Variants in ILRUN observed in about 807,000 individuals in gnomAD.
ILRUN encodes the protein inflammation and lipid regulator with UBA-like and NBR1-like domains.
Under a neutral mutation model 33.8 loss-of-function variants are expected in ILRUN, and 3 were observed. The ratio of observed to expected loss-of-function variants is 0.09; its 90% CI spans 0.04 to 0.23. The LOEUF is 0.23. ILRUN is among the 10% of genes least tolerant of loss of function. The pLI, the probability that ILRUN is intolerant of heterozygous loss-of-function variation, is 1.00. For synonymous variants in ILRUN, 124 were observed against 138.9 expected, an observed-to-expected ratio of 0.89 and a Z score of 0.75; for missense variants, 210 against 375.1, an observed-to-expected ratio of 0.56 and a Z score of 3.64.
chr6:34,640,439 G>C (rs192619787), intron 3 of ILRUN, among the ~76,000 whole-genome samples: 1 of 152,094 alleles, frequency 6.6e-6, no homozygotes, highest in African/African-American at 2.4e-5. Flanking sequence ...TGGGCCGGGC[G>C]CGGTGGCTCA....
intron 4 of ILRUN, among the ~76,000 whole-genome samples, chr6:34,597,185 G>A (rs764609040): frequency 3.9e-5 from 6 of 152,146 alleles, no homozygotes; most frequent in Non-Finnish European, 5.9e-5. Context: ...AAGTTTCTAC[G>A]TGGAGGTAGA....
At chr6:34,638,305 C>G (rs1003747112) in intron 3 of ILRUN, among the ~76,000 whole-genome samples, 4 of 152,130 alleles carry the variant, frequency 2.6e-5, no homozygotes, top group Admixed American at 2.6e-4. Flanking sequence ...GATGAAATAG[C>G]CTATCATCTC....
intron 4 of ILRUN, among the ~76,000 whole-genome samples, chr6:34,600,475 T>C (rs930258426): frequency 1.3e-5 from 2 of 152,236 alleles, no homozygotes; most frequent in Non-Finnish European, 2.9e-5. Flanking sequence ...ATACTCAGTA[T>C]ATTCAAAGGG....
chr6:34,609,792 G>A (rs558590792), intron 3 of ILRUN, among the ~76,000 whole-genome samples: 1 of 152,158 alleles, frequency 6.6e-6, no homozygotes, highest in South Asian at 2.1e-4. Flanking sequence ...CTAAGAAGAG[G>A]AAATTAAAGC....
At chr6:34,664,019 G>C (rs1253628875) in intron 1 of ILRUN, among the ~76,000 whole-genome samples, 1 of 152,144 alleles carries the variant, frequency 6.6e-6, no homozygotes, top group African/African-American at 2.4e-5. Flanking sequence ...GGAGAAACAG[G>C]GCCGTGAGCT....
Position 34,624,846 on chromosome 6 carries a change from C to T in ILRUN, c.512-17942G>A, listed in dbSNP as rs56654227. ...GAACAAAAAGTATAAAACATCATTACTGATGGTAACTAGTTACTCTTGGTG... is the reference window on the plus strand; with the variant it reads ...GAACAAAAAGTATAAAACATCATTATTGATGGTAACTAGTTACTCTTGGTG... On this transcript the variant is annotated intron_variant, in intron 3 of 4. Coordinates refer to ENST00000374023, the MANE Select transcript of ILRUN (RefSeq NM_024294.4). Among the ~76,000 whole-genome samples the T allele has an allele frequency of 5.4e-3, 830 of 152,322 alleles. 7 individuals are homozygous for T. The highest frequency in any genetic ancestry group is 0.019 in the African/African-American group (770 of 41,582).
At chr6:34,603,240 C>T (rs556107483) in intron 4 of ILRUN, among the ~76,000 whole-genome samples, 2 of 152,320 alleles carry the variant, frequency 1.3e-5, no homozygotes, top group South Asian at 2.1e-4. Context: ...GAGCCGGGCA[C>T]GGTGGCTCAC....
intron 3 of ILRUN, among the ~76,000 whole-genome samples, chr6:34,641,772 T>C (rs972456338): frequency 2.6e-5 from 4 of 151,970 alleles, no homozygotes; most frequent in Admixed American, 6.6e-5. Flanking sequence ...AAATTAGGGG[T>C]TTAAAGTTAA....
intron 3 of ILRUN, among the ~76,000 whole-genome samples, chr6:34,617,465 A>C (rs1761919506): frequency 6.6e-6 from 1 of 152,160 alleles, no homozygotes; most frequent in Admixed American, 6.6e-5. Context: ...CTCAACTTCT[A>C]GTCTGCACTG....
chr6:34,679,476 T>C (rs1763310509), intron 1 of ILRUN, among the ~76,000 whole-genome samples: 1 of 152,204 alleles, frequency 6.6e-6, no homozygotes, highest in South Asian at 2.1e-4. Context: ...ACTGAATTTA[T>C]ATTGAAAAAA....
chr6:34,683,479 TATATATACATATATATATAC>T (rs1763438898), intron 1 of ILRUN, among the ~76,000 whole-genome samples: 1 of 106,298 alleles, frequency 9.4e-6, no homozygotes, highest in African/African-American at 4.9e-5. Context: ...TATACACATA[TATATATACATATATATATAC>T]ATATATATAT....
chr6:34,621,460 T>C (rs1412009978), intron 3 of ILRUN, among the ~76,000 whole-genome samples: 2 of 152,232 alleles, frequency 1.3e-5, no homozygotes, highest in Non-Finnish European at 2.9e-5. Context: ...GGGATCAGGC[T>C]GTTACCACCT....
intron 1 of ILRUN, among the ~76,000 whole-genome samples, chr6:34,686,416 CG>C (rs71538255): frequency 0.18 from 26,578 of 150,918 alleles, 2,823 homozygotes; most frequent in African/African-American, 0.3. Flanking sequence ...AGGAGAATGG[CG>C]TGAACCCAGG....
At position 34,657,902 on chromosome 6, in the gene ILRUN, T is replaced by C. The variant is rs79344740; in HGVS notation, c.159-3123A>G. On this transcript the variant is annotated intron_variant, in intron 1 of 4. Transcript: ENST00000374023. ...CTAAGGTGATGGGAAAGGGAAAACA[T>C]TGACCCAGCATTCAGTGCAGTCTGA... 6.3e-3 allele frequency among the ~76,000 whole-genome samples: 953 copies of C among 152,330 alleles called. 9 individuals carry two copies. Among genetic ancestry groups the C allele is most frequent in the Middle Eastern group, 0.01 (3 of 294 alleles).
chr6:34,696,643 C>G lies in ILRUN; in HGVS notation c.-40G>C, dbSNP rs1581568446. On this transcript the variant is annotated 5_prime_UTR_variant, in exon 1 of 5. Coordinates refer to ENST00000374023, the MANE Select transcript of ILRUN (RefSeq NM_024294.4). The stretch of plus-strand genomic sequence containing the variant: ...ACCCGCTTCCCCGCCTCTTCACAAC[C>G]AAGCCGCCGCCGCGCCGCCGGGCCC... 1 of 1,575,554 alleles carries G rather than the reference C, an allele frequency of 6.3e-7. No homozygotes were observed. Among genetic ancestry groups the G allele is most frequent in the East Asian group, 2.3e-5 (1 of 44,230 alleles).
intron 1 of ILRUN, among the ~76,000 whole-genome samples, chr6:34,689,289 T>A (rs974622162): frequency 2.0e-5 from 3 of 147,046 alleles, no homozygotes; most frequent in African/African-American, 7.5e-5. Flanking sequence ...TGCTACATGA[T>A]CATGCCTGTA....
chr6:34,598,684 G>A lies in ILRUN; in HGVS notation c.861+7871C>T, dbSNP rs184810820. Among the ~76,000 whole-genome samples, 67 of 152,286 alleles carry A rather than the reference G, an allele frequency of 4.4e-4. 2 individuals carry two copies. The East Asian group carries it at 8.1e-3, about 18-fold the overall frequency. ...AGCTGGACAGCTTTGAAGCTACTGA[G>A]GTACAAAAAGGAAAGTTCCTGGAGA... On this transcript the variant is annotated intron_variant, in intron 4 of 4. Transcript: ENST00000374023.
In ILRUN at chr6:34,589,590, T is replaced by A. The variant is rs182481923; in HGVS notation, c.*975A>T. The A allele has an allele frequency of 1.3e-5, 2 of 152,138 alleles. No individual in the cohort carries two copies. Among genetic ancestry groups the A allele is most frequent in the African/African-American group, 4.8e-5 (2 of 41,436 alleles). 9.4% of individuals were successfully genotyped at this position (152,138 alleles called of 1,614,324 possible). Reference sequence around the variant, plus strand: ...TGCCTACTGCACACCTGCTGGTGAGTTGCACCAACACCCGTGTGTGCACAT... The same window carrying A: ...TGCCTACTGCACACCTGCTGGTGAGATGCACCAACACCCGTGTGTGCACAT... On this transcript the variant is annotated 3_prime_UTR_variant, in exon 5 of 5. Coordinates refer to ENST00000374023, the MANE Select transcript of ILRUN (RefSeq NM_024294.4).
At position 34,673,483 on chromosome 6, in the gene ILRUN, A is replaced by AG. The variant is rs1763158094; in HGVS notation, c.159-18705dup. On this transcript the variant is annotated intron_variant, in intron 1 of 4. Transcript: ENST00000374023. Reference sequence around the variant, plus strand: ...AAAAATCAAGACAATTATCACCCTCAGGGCAGCAAAATATTGTGCTGAGAA... The same window carrying AG: ...AAAAATCAAGACAATTATCACCCTCAGGGGCAGCAAAATATTGTGCTGAGAA... 2.6e-5 allele frequency among the ~76,000 whole-genome samples: 4 copies of AG among 152,232 alleles called. No homozygotes were observed. In the South Asian group the frequency reaches 8.3e-4, roughly 32 times the overall value.
Sources: gnomAD v4.1 joint callset for allele counts (sites outside exome capture counted in the v4.1 genomes callset) on GRCh38, gnomAD v4.1.1 for gene constraint, MANE v1.5 for transcripts, NCBI Gene and HGNC (gene_info 2026-07-23, HGNC 2026-07-21) for gene names.